GABRB1: variants seen among roughly 807,000 people sequenced by gnomAD.
The protein encoded by GABRB1 is gamma-aminobutyric acid type A receptor subunit beta1.
Under a neutral mutation model 51.6 loss-of-function variants are expected in GABRB1, and 17 were observed. The observed-to-expected ratio is 0.33, with a 90% CI of 0.23 to 0.49. The LOEUF (loss-of-function observed/expected upper bound fraction) is 0.49. Among genes scored for constraint, GABRB1 ranks in the 20% least tolerant of loss-of-function variants. The pLI, the probability that GABRB1 is intolerant of heterozygous loss-of-function variation, is 0.99. For synonymous variants in GABRB1, 247 were observed against 218.9 expected (o/e 1.13, Z -1.14); for missense variants, 410 against 600.6 (o/e 0.68, Z 3.32).
rs570452315 is a variant in GABRB1, at chr4:47,229,297, T to C, written c.461+67828T>C. ...TTGTTAAACTTCAGTTCAGTATTTTTATGGTTTATTTAAAAATAAGAGGGG... is the reference window on the plus strand; with the variant it reads ...TTGTTAAACTTCAGTTCAGTATTTTCATGGTTTATTTAAAAATAAGAGGGG... On this transcript the variant is annotated intron_variant, in intron 4 of 8. Transcript: ENST00000295454. Among the ~76,000 whole-genome samples the C allele has an allele frequency of 7.2e-4, 109 of 152,292 alleles. 1 individual carries two copies. Among genetic ancestry groups the C allele is most frequent in the African/African-American group, 2.6e-3 (109 of 41,570 alleles).
chr4:47,341,908 A>G (rs573526835), intron 5 of GABRB1, among the ~76,000 whole-genome samples: 143 of 152,318 alleles, frequency 9.4e-4, no homozygotes, highest in African/African-American at 3.3e-3. Context: ...AAATCCTTTT[A>G]GGGAACACAA....
At chr4:47,412,295 GAATT>G (rs1251581723) in intron 8 of GABRB1, among the ~76,000 whole-genome samples, 1 of 152,070 alleles carries the variant, frequency 6.6e-6, no homozygotes, top group Non-Finnish European at 1.5e-5. Context: ...TTGAATGAAT[GAATT>G]AATTAATTAA....
intron 5 of GABRB1, among the ~76,000 whole-genome samples, chr4:47,323,108 AG>A (rs1267805451): frequency 1.1e-4 from 17 of 152,296 alleles, no homozygotes; most frequent in African/African-American, 4.1e-4. Context: ...TCCCTGATAA[AG>A]TTCAGTATAG....
intron 3 of GABRB1, among the ~76,000 whole-genome samples, chr4:47,119,439 C>T (rs1441882527): frequency 6.6e-6 from 1 of 151,764 alleles, no homozygotes; most frequent in Non-Finnish European, 1.5e-5. Flanking sequence ...ATAAAACCTC[C>T]TTCAACCTCA....
At chr4:47,265,510 A>C (rs1226191692) in intron 4 of GABRB1, among the ~76,000 whole-genome samples, 3 of 151,982 alleles carry the variant, frequency 2.0e-5, no homozygotes, top group African/African-American at 7.3e-5. Context: ...TCTTTGAGAA[A>C]TCTCCATGCT....
At chr4:47,024,018 G>C (rs1311987370) in intron 1 of GABRB1, among the ~76,000 whole-genome samples, 1 of 151,578 alleles carries the variant, frequency 6.6e-6, no homozygotes, top group Non-Finnish European at 1.5e-5. Flanking sequence ...CTATTATCTA[G>C]CTAACTAATA....
chr4:47,089,911 A>G (rs1485060420), intron 3 of GABRB1, among the ~76,000 whole-genome samples: 1 of 152,200 alleles, frequency 6.6e-6, no homozygotes, highest in African/African-American at 2.4e-5. Flanking sequence ...ATCATTGAAA[A>G]GATCTCAGTT....
intron 3 of GABRB1, among the ~76,000 whole-genome samples, chr4:47,119,510 CTT>C (rs71195603): frequency 8.8e-4 from 122 of 139,160 alleles, no homozygotes; most frequent in Non-Finnish European, 1.1e-3. Flanking sequence ...CTTTTTCTTT[CTT>C]TTTTTTTTTT....
At chr4:47,133,308 A>G (rs1716504267) in intron 3 of GABRB1, among the ~76,000 whole-genome samples, 2 of 152,202 alleles carry the variant, frequency 1.3e-5, no homozygotes, top group Admixed American at 1.3e-4. Flanking sequence ...CTATTACAAT[A>G]TTTAAAATAT....
At chr4:47,051,487 A>G (rs1413032592) in intron 3 of GABRB1, among the ~76,000 whole-genome samples, 1 of 152,192 alleles carries the variant, frequency 6.6e-6, no homozygotes, top group Non-Finnish European at 1.5e-5. Context: ...GGATGTTTTC[A>G]TTTGATTATA....
At position 47,141,976 on chromosome 4, in the gene GABRB1, G is replaced by GT. The variant is rs555278144; in HGVS notation, c.241-19272dup. Among the ~76,000 whole-genome samples, 8 of 152,028 alleles carry GT rather than the reference G, an allele frequency of 5.3e-5. No homozygotes were observed. The South Asian group carries it at 1.7e-3, about 31-fold the overall frequency. On this transcript the variant is annotated intron_variant, in intron 3 of 8. Transcript: ENST00000295454. Reference sequence around the variant, plus strand: ...ATTCAGAAGATATTTCTTGAGAGCAGTAACTATGAGCCAACCATCAGTTAC... The same window carrying GT: ...ATTCAGAAGATATTTCTTGAGAGCAGTTAACTATGAGCCAACCATCAGTTAC...
chr4:47,222,765 A>T (rs1224648197), intron 4 of GABRB1, among the ~76,000 whole-genome samples: 1 of 152,176 alleles, frequency 6.6e-6, no homozygotes, highest in Non-Finnish European at 1.5e-5. Context: ...ACATTGGAGT[A>T]ATTTGTTACA....
intron 4 of GABRB1, among the ~76,000 whole-genome samples, chr4:47,213,437 A>ACT (rs796437600): frequency 3.4e-4 from 44 of 130,408 alleles, no homozygotes; most frequent in African/African-American, 8.9e-4. Context: ...TCTCTCTCTC[A>ACT]CTCTCTCTCT....
intron 5 of GABRB1, 125 bp from the exon 6 acceptor site, chr4:47,403,193 C>T: frequency 1.1e-6 from 1 of 942,946 alleles, no homozygotes; most frequent in Non-Finnish European, 1.6e-6. Context: ...GACCTGCATA[C>T]CACCCTAGTT....
At chr4:47,037,209 T>C (rs1424397076) in intron 3 of GABRB1, among the ~76,000 whole-genome samples, 1 of 152,194 alleles carries the variant, frequency 6.6e-6, no homozygotes, top group Non-Finnish European at 1.5e-5. Flanking sequence ...TTCTTCAGAA[T>C]AAAGAACATT....
At chr4:47,146,082 G>T (rs1326778282) in intron 3 of GABRB1, among the ~76,000 whole-genome samples, 1 of 151,992 alleles carries the variant, frequency 6.6e-6, no homozygotes, top group Non-Finnish European at 1.5e-5. Flanking sequence ...ATAAAATTCT[G>T]CATTATGTTT....
intron 3 of GABRB1, among the ~76,000 whole-genome samples, chr4:47,091,168 A>G (rs1008154915): frequency 1.3e-5 from 2 of 152,046 alleles, no homozygotes; most frequent in South Asian, 4.2e-4. Flanking sequence ...ACTGCTAAAC[A>G]TCGTACACAG....
At chr4:47,138,337 T>TGTA (rs957691043) in intron 3 of GABRB1, among the ~76,000 whole-genome samples, 1 of 152,082 alleles carries the variant, frequency 6.6e-6, no homozygotes, top group Non-Finnish European at 1.5e-5. Context: ...GCTCGATCAA[T>TGTA]GTAGTTGATG....
intron 3 of GABRB1, among the ~76,000 whole-genome samples, chr4:47,062,479 C>A (rs4597805): frequency 0.89 from 133,857 of 150,992 alleles, 59,608 homozygotes; most frequent in Non-Finnish European, 0.92. Flanking sequence ...TAACTTGTAA[C>A]AATTCAGTAA....
Sources: allele counts gnomAD v4.1 joint callset (sites outside exome capture counted in the v4.1 genomes callset), GRCh38; gene constraint gnomAD v4.1.1; transcripts MANE v1.5; gene names NCBI Gene and HGNC (gene_info 2026-07-23, HGNC 2026-07-21).